The following NRG3 variants were observed in gnomAD, a reference collection of about 807,000 sequenced individuals.
NRG3 encodes pro-neuregulin-3, membrane-bound isoform.
In NRG3, 31 loss-of-function variants were observed where a neutral mutation model predicts 66.9. The observed-to-expected ratio is 0.46, with a 90% CI of 0.35 to 0.63. The LOEUF (loss-of-function observed/expected upper bound fraction) is 0.63, where lower values mean the gene tolerates loss of function less well. NRG3 is among the 20% of genes least tolerant of loss of function. NRG3 has a pLI of 0.00. For missense variants in NRG3, 910 were observed against 878.9 expected (o/e 1.04, Z -0.45); for synonymous variants, 393 against 359.4 (o/e 1.09, Z -1.06).
intron 2 of NRG3, among the ~76,000 whole-genome samples, chr10:82,663,922 T>C (rs2052560898): frequency 6.6e-6 from 1 of 152,186 alleles, no homozygotes; most frequent in South Asian, 2.1e-4. Context: ...CCAACTGACC[T>C]GTTAGGTCAC....
At chr10:81,998,380 T>A (rs2061026917) in intron 1 of NRG3, among the ~76,000 whole-genome samples, 1 of 152,214 alleles carries the variant, frequency 6.6e-6, no homozygotes. Context: ...AACCTCTTTA[T>A]AATCCTGCCT....
At chr10:82,829,818 A>T (rs2062426026) in intron 3 of NRG3, among the ~76,000 whole-genome samples, 1 of 152,222 alleles carries the variant, frequency 6.6e-6, no homozygotes, top group South Asian at 2.1e-4. Context: ...CTAATAAATT[A>T]TCCCAATCTC....
intron 1 of NRG3, among the ~76,000 whole-genome samples, chr10:82,164,579 C>T (rs2071886091): frequency 6.6e-6 from 1 of 152,136 alleles, no homozygotes; most frequent in Non-Finnish European, 1.5e-5. Flanking sequence ...TCTCTACCTC[C>T]ATGAATAACT....
intron 3 of NRG3, among the ~76,000 whole-genome samples, chr10:82,806,441 C>A (rs1380671088): frequency 6.6e-6 from 1 of 152,156 alleles, no homozygotes; most frequent in East Asian, 1.9e-4. Flanking sequence ...AAATCCTGAC[C>A]TCATTCACAC....
At chr10:82,422,028 T>C (rs542368315) in intron 2 of NRG3, among the ~76,000 whole-genome samples, 16 of 152,172 alleles carry the variant, frequency 1.1e-4, no homozygotes, top group Admixed American at 4.6e-4. Flanking sequence ...GAGAATGTAA[T>C]AATTTACATG....
intron 1 of NRG3, among the ~76,000 whole-genome samples, chr10:82,312,956 C>T (rs749891323): frequency 2.6e-5 from 4 of 152,038 alleles, no homozygotes; most frequent in Admixed American, 6.6e-5. Flanking sequence ...GCAGACGGAT[C>T]GCTTGAGCTC....
At chr10:82,522,039 C>CTTTTTTTT (rs71009811) in intron 2 of NRG3, among the ~76,000 whole-genome samples, 2 of 97,744 alleles carry the variant, frequency 2.0e-5, no homozygotes, top group Non-Finnish European at 2.0e-5. Flanking sequence ...CCGCTGAAGT[C>CTTTTTTTT]TTTTTTTTTT....
chr10:82,507,739 C>T (rs918705747), intron 2 of NRG3, among the ~76,000 whole-genome samples: 4 of 152,152 alleles, frequency 2.6e-5, no homozygotes, highest in Non-Finnish European at 4.4e-5. Context: ...CTTGTGTATT[C>T]TAGAAACATG....
chr10:82,963,197 A>G (rs1270192095), intron 6 of NRG3, among the ~76,000 whole-genome samples: 3 of 152,224 alleles, frequency 2.0e-5, no homozygotes, highest in Admixed American at 1.3e-4. Context: ...GTTGGCCTAA[A>G]GGAAAACAAA....
chr10:82,377,429 T>C (rs1489881877), intron 2 of NRG3, among the ~76,000 whole-genome samples: 1 of 118,340 alleles, frequency 8.5e-6, no homozygotes, highest in East Asian at 2.7e-4. Flanking sequence ...TATGTGTGTG[T>C]GTGCGCGTGT....
chr10:82,507,995 A>G (rs1311008992), intron 2 of NRG3, among the ~76,000 whole-genome samples: 1 of 152,200 alleles, frequency 6.6e-6, no homozygotes, highest in African/African-American at 2.4e-5. Context: ...CTCTAATAAA[A>G]TATTTTCTCA....
At chr10:82,898,265 T>A (rs1334196133) in intron 4 of NRG3, among the ~76,000 whole-genome samples, 1 of 152,244 alleles carries the variant, frequency 6.6e-6, no homozygotes, top group African/African-American at 2.4e-5. Context: ...CTCCCTTTTT[T>A]AACTCCCAAA....
intron 1 of NRG3, among the ~76,000 whole-genome samples, chr10:81,982,383 G>A (rs2133476493): frequency 6.6e-6 from 1 of 152,308 alleles, no homozygotes; most frequent in South Asian, 2.1e-4. Flanking sequence ...GGCAATCTAA[G>A]CTTCCTCTAA....
chr10:82,009,166 A>G (rs2061483425), intron 1 of NRG3, among the ~76,000 whole-genome samples: 1 of 152,210 alleles, frequency 6.6e-6, no homozygotes, highest in South Asian at 2.1e-4. Context: ...AGGTGGTAAT[A>G]AAATGTTAAT....
In NRG3 at chr10:82,985,181, A is replaced by G; in HGVS notation, c.1667A>G (p.Asn556Ser). 1.2e-6 allele frequency: 2 copies of G among 1,614,174 alleles called. No homozygotes were observed. Among genetic ancestry groups the G allele is most frequent in the Non-Finnish European group, 1.7e-6 (2 of 1,180,012 alleles). Residue 556 changes from asparagine (N) to serine (S), a missense_variant, in exon 9 of 9, where the codon AAT becomes AGT. Transcript: ENST00000372141. ...TCAAGAGAGACAAACCCCTATTTTA[A>G]TAGCTTGGAGCAAAAGGACCTGGTG... ...LPSRETNPYF[N>S]SLEQKDLVGY...
At chr10:82,405,454 G>GTTTTTTTTTTTTTTTT (rs779040062) in intron 2 of NRG3, among the ~76,000 whole-genome samples, 1 of 139,920 alleles carries the variant, frequency 7.1e-6, no homozygotes, top group African/African-American at 2.9e-5. Context: ...GATCTCAGTA[G>GTTTTTTTTTTTTTTTT]TTTGTTTTTT....
At chr10:82,460,955 A>C (rs1265928391) in intron 2 of NRG3, among the ~76,000 whole-genome samples, 1 of 152,184 alleles carries the variant, frequency 6.6e-6, no homozygotes, top group Non-Finnish European at 1.5e-5. Context: ...TTACTCTGAA[A>C]GGTTTCTAAG....
Position 82,648,722 on chromosome 10 carries a change from G to A in NRG3, c.954-89855G>A, listed in dbSNP as rs12251439. ...AGTTCTCCTTGAAGAGGTCCTTCAC[G>A]TCCCTTGTAAGTTGGATTCCTAGGT... is the stretch of plus-strand genomic sequence containing the variant. On this transcript the variant is annotated intron_variant, in intron 2 of 8. Coordinates refer to ENST00000372141, the MANE Select transcript of NRG3 (RefSeq NM_001010848.4). Among the ~76,000 whole-genome samples the A allele has an allele frequency of 7.0e-3, 1,061 of 152,066 alleles. 8 individuals carry two copies. The highest frequency in any genetic ancestry group is 0.023 in the African/African-American group (960 of 41,470).
chr10:82,509,771 A>G (rs1291239516), intron 2 of NRG3, among the ~76,000 whole-genome samples: 1 of 152,144 alleles, frequency 6.6e-6, no homozygotes, highest in Non-Finnish European at 1.5e-5. Flanking sequence ...TGGTATTTTC[A>G]AAGCCAACAG....
Sources: gnomAD v4.1 joint callset for allele counts (sites outside exome capture counted in the v4.1 genomes callset) on GRCh38, gnomAD v4.1.1 for gene constraint, MANE v1.5 for transcripts, NCBI Gene and HGNC (gene_info 2026-07-23, HGNC 2026-07-21) for gene names.